ENPP6: variants seen among roughly 807,000 people sequenced by gnomAD.
ENPP6 encodes ectonucleotide pyrophosphatase/phosphodiesterase 6.
Under a neutral mutation model 42.0 loss-of-function variants are expected in ENPP6, and 32 were observed. The ratio of observed to expected loss-of-function variants is 0.76; its 90% CI spans 0.58 to 1.02. The LOEUF is 1.02. Ranked by LOEUF, ENPP6 falls within the 50% of genes least tolerant of loss-of-function variation. The pLI is 0.00. For missense variants in ENPP6, 552 were observed against 566.8 expected (o/e 0.97, Z 0.27); for synonymous variants, 213 against 216.0 (o/e 0.99, Z 0.12).
chr4:184,110,821 T>C (rs1056324863), intron 6 of ENPP6, among the ~76,000 whole-genome samples: 1 of 152,238 alleles, frequency 6.6e-6, no homozygotes, highest in Non-Finnish European at 1.5e-5. Flanking sequence ...AAGCCACATT[T>C]ATCAAATGGG....
chr4:184,185,647 T>C (rs1732623962), intron 1 of ENPP6, among the ~76,000 whole-genome samples: 1 of 152,212 alleles, frequency 6.6e-6, no homozygotes. Context: ...AATCTATTCA[T>C]GAAGAAAAAC....
At chr4:184,164,657 A>C (rs1350974691) in intron 1 of ENPP6, among the ~76,000 whole-genome samples, 3 of 152,198 alleles carry the variant, frequency 2.0e-5, no homozygotes, top group African/African-American at 4.8e-5. Context: ...ACTAAAAGAC[A>C]ACACATTTCT....
At chr4:184,131,318 CCT>C (rs1232897673) in intron 2 of ENPP6, among the ~76,000 whole-genome samples, 6 of 108,322 alleles carry the variant, frequency 5.5e-5, no homozygotes, top group African/African-American at 1.4e-4. Context: ...CTTTCTCTCT[CCT>C]CTCTCTCTTT....
At chr4:184,118,612 T>C (rs1218489394) in intron 3 of ENPP6, among the ~76,000 whole-genome samples, 1 of 152,222 alleles carries the variant, frequency 6.6e-6, no homozygotes, top group Non-Finnish European at 1.5e-5. Context: ...GAAAGGATGA[T>C]ACGTTGACAT....
intron 2 of ENPP6, among the ~76,000 whole-genome samples, chr4:184,135,653 A>G (rs1049478848): frequency 1.3e-5 from 2 of 150,534 alleles, no homozygotes; most frequent in Admixed American, 6.7e-5. Context: ...TTTAAAGTAA[A>G]TTTCTATCAA....
At chr4:184,131,550 G>A (rs1336724217) in intron 2 of ENPP6, among the ~76,000 whole-genome samples, 7 of 143,934 alleles carry the variant, frequency 4.9e-5, no homozygotes, top group Admixed American at 4.2e-4. Context: ...TTTTAGTACA[G>A]ATGAGATTTC....
At chr4:184,132,448 G>A (rs527863861) in intron 2 of ENPP6, among the ~76,000 whole-genome samples, 35 of 151,996 alleles carry the variant, frequency 2.3e-4, no homozygotes, top group Non-Finnish European at 1.9e-4. Context: ...ATATCAACTC[G>A]TTGTTTGTTT....
chr4:184,168,658 G>A (rs1737402347), intron 1 of ENPP6, among the ~76,000 whole-genome samples: 1 of 152,232 alleles, frequency 6.6e-6, no homozygotes, highest in Non-Finnish European at 1.5e-5. Context: ...CCGCCGAGAG[G>A]CGCCAGGCTG....
At chr4:184,210,981 A>G (rs1733099759) in intron 1 of ENPP6, among the ~76,000 whole-genome samples, 1 of 151,280 alleles carries the variant, frequency 6.6e-6, no homozygotes, top group East Asian at 1.9e-4. Flanking sequence ...CTGCTCCTGA[A>G]TGACTACTGG....
intron 1 of ENPP6, among the ~76,000 whole-genome samples, chr4:184,200,634 G>A (rs1345997315): frequency 2.6e-5 from 4 of 152,320 alleles, no homozygotes; most frequent in South Asian, 2.1e-4. Flanking sequence ...AAGTCCCTGC[G>A]GACTGTGGCA....
At chr4:184,214,042 A>C (rs1282183025) in intron 1 of ENPP6, among the ~76,000 whole-genome samples, 3 of 136,220 alleles carry the variant, frequency 2.2e-5, no homozygotes, top group African/African-American at 8.3e-5. Context: ...TTGAACAATG[A>C]GAACACATGG....
rs374485861 is a variant in ENPP6 at position 184,205,842 on chromosome 4, G to A, written c.241+11737C>T. Among the ~76,000 whole-genome samples, 4 of 152,282 alleles carry A rather than the reference G, an allele frequency of 2.6e-5. No homozygotes were observed. The East Asian group carries it at 7.7e-4, about 29-fold the overall frequency. ...TCACTGTGAGACAGAGGAAGGTCAG[G>A]GAGATCAGGAGGAACCAAGGGAAAG... On this transcript the variant is annotated intron_variant, in intron 1 of 7. Transcript: ENST00000296741.
rs1345172828 is a variant in ENPP6, at chr4:184,217,857, G to A, written c.-38C>T. ...CTGCCAGAGCCCGGCTGGCACAGCT[G>A]TCGCCTTGCAAAGACTGAGGATGGA... On this transcript the variant is annotated 5_prime_UTR_variant, in exon 1 of 8. Transcript: ENST00000296741. The A allele has an allele frequency of 2.7e-5, 44 of 1,601,564 alleles. No homozygotes were observed. Among genetic ancestry groups the A allele is most frequent in the Non-Finnish European group, 3.7e-5 (44 of 1,174,692 alleles).
intron 1 of ENPP6, among the ~76,000 whole-genome samples, chr4:184,191,688 A>G (rs1732714321): frequency 1.3e-5 from 2 of 152,256 alleles, no homozygotes. Context: ...GTAAAGATCA[A>G]TTGAAGGCAT....
rs143303954 is a variant in ENPP6, at chr4:184,112,692, C to T, written c.973G>A (p.Glu325Lys). ...FVSPLTLVAD[E>K]GWFITENREM... ...ATTACCTCAGTTATGAACCAGCCTTCATCAGCCACTAAAGTCAAAGGAGAG... is the reference window on the plus strand; with the variant it reads ...ATTACCTCAGTTATGAACCAGCCTTTATCAGCCACTAAAGTCAAAGGAGAG... Residue 325 changes from glutamate (E) to lysine (K), a missense_variant, in exon 6 of 8, where the codon GAA (glutamate) becomes AAA (lysine). Coordinates refer to ENST00000296741, the MANE Select transcript of ENPP6 (RefSeq NM_153343.4). 6 of 1,613,958 alleles carry T rather than the reference C, an allele frequency of 3.7e-6. No individual in the cohort carries two copies. The African/African-American group carries it at 8.0e-5, about 22-fold the overall frequency.
chr4:184,155,122 G>A (rs541119949), intron 1 of ENPP6, among the ~76,000 whole-genome samples: 1 of 152,290 alleles, frequency 6.6e-6, no homozygotes, highest in South Asian at 2.1e-4. Context: ...GAGTTATGAT[G>A]ACCCTCGCTC....
chr4:184,128,685 CAT>C (rs1413539034), intron 2 of ENPP6, among the ~76,000 whole-genome samples: 1 of 151,256 alleles, frequency 6.6e-6, no homozygotes, highest in Non-Finnish European at 1.5e-5. Flanking sequence ...CAGTTCAAGA[CAT>C]AAAGAATAAA....
At chr4:184,185,717 T>A (rs1024239697) in intron 1 of ENPP6, among the ~76,000 whole-genome samples, 2 of 152,214 alleles carry the variant, frequency 1.3e-5, no homozygotes, top group Admixed American at 1.3e-4. Context: ...ATTTTTAGGA[T>A]TGCCAACATC....
intron 6 of ENPP6, 187 bp downstream of exon 6, chr4:184,112,485 G>GT: frequency 1.5e-6 from 1 of 686,734 alleles, no homozygotes; most frequent in Non-Finnish European, 2.3e-6. Flanking sequence ...CTGGGTTCGC[G>GT]TCTACAGTTG....
Sources: gnomAD v4.1 joint callset for allele counts (sites outside exome capture counted in the v4.1 genomes callset) on GRCh38, gnomAD v4.1.1 for gene constraint, MANE v1.5 for transcripts, NCBI Gene and HGNC (gene_info 2026-07-23, HGNC 2026-07-21) for gene names.